The following MYOF variants were observed in gnomAD, a reference collection of about 807,000 sequenced individuals.
The protein encoded by MYOF is myoferlin, also known as fer-1-like 3, myoferlin.
In MYOF, 244 loss-of-function variants were observed where a neutral mutation model predicts 284.2. The ratio of observed to expected loss-of-function variants is 0.86; its 90% CI spans 0.77 to 0.95. MYOF has a LOEUF of 0.95. Among genes scored for constraint, MYOF ranks in the 40% least tolerant of loss-of-function variants. The pLI, the probability that MYOF is intolerant of heterozygous loss-of-function variation, is 0.00. For missense variants in MYOF, 2,496 were observed against 2,560.6 expected, an observed-to-expected ratio of 0.97 and a Z score of 0.54; for synonymous variants, 904 against 919.7, an observed-to-expected ratio of 0.98 and a Z score of 0.31.
Position 93,333,839 on chromosome 10 carries a change from A to G in MYOF, c.4638T>C (p.Pro1546=), listed in dbSNP as rs761055001. 1 of 1,614,126 alleles carries G rather than the reference A, an allele frequency of 6.2e-7. No homozygotes were observed. Among genetic ancestry groups the G allele is most frequent in the Non-Finnish European group, 8.5e-7 (1 of 1,180,020 alleles). Reference sequence around the variant, plus strand: ...CCGTGCATTCCTGTGGGACGCTGTCAGGTAATTCCCGAAACTGTCTGGGAG... The same window carrying G: ...CCGTGCATTCCTGTGGGACGCTGTCGGGTAATTCCCGAAACTGTCTGGGAG... ...PAPPRQFREL[P]DSVPQECTVR... The change falls in exon 42 of 54, where the codon CCT becomes CCC. Residue 1546 remains proline, a synonymous_variant. Coordinates refer to ENST00000359263, the MANE Select transcript of MYOF (RefSeq NM_013451.4).
At chr10:93,366,071 T>C (rs1845312834) in intron 26 of MYOF, among the ~76,000 whole-genome samples, 1 of 152,158 alleles carries the variant, frequency 6.6e-6, no homozygotes, top group African/African-American at 2.4e-5. Flanking sequence ...GCAAGTAGGG[T>C]CAAATCTCAG....
Position 93,408,901 on chromosome 10 carries a change from C to T in MYOF, c.615G>A (p.Val205=). Residue 205 remains valine (V), a synonymous_variant, in exon 7 of 54, where the codon GTG becomes GTA. Transcript: ENST00000359263. ...KPQDFQIRVR[V]IEGRQLSGNN... ...TACCACTTAACTGTCGGCCCTCAAT[C>T]ACTCGGACGCGGATCTGCAGCACAG... The T allele has an allele frequency of 6.2e-7, 1 of 1,614,206 alleles. No homozygotes were observed. The highest frequency in any genetic ancestry group is 8.5e-7 in the Non-Finnish European group (1 of 1,180,034).
chr10:93,426,875 C>T (rs931203322), intron 4 of MYOF, among the ~76,000 whole-genome samples: 4 of 142,816 alleles, frequency 2.8e-5, no homozygotes, highest in East Asian at 2.0e-4. Flanking sequence ...GGCAAAAGAA[C>T]GAGACTGTCT....
At chr10:93,349,153 A>ATT (rs150031738) in intron 36 of MYOF, among the ~76,000 whole-genome samples, 2 of 151,124 alleles carry the variant, frequency 1.3e-5, no homozygotes, top group African/African-American at 4.8e-5. Context: ...AAAAAGAAAG[A>ATT]TTTTTTTTTT....
intron 43 of MYOF, 92 bp from the exon 44 acceptor site, chr10:93,329,926 T>TGTA: frequency 7.4e-7 from 1 of 1,348,478 alleles, no homozygotes; most frequent in Non-Finnish European, 1.0e-6. Flanking sequence ...CCAGGCTGTG[T>TGTA]GTAGTATGGC....
At chr10:93,380,734 C>T (rs1846072151) in intron 20 of MYOF, among the ~76,000 whole-genome samples, 1 of 152,144 alleles carries the variant, frequency 6.6e-6, no homozygotes, top group Non-Finnish European at 1.5e-5. Context: ...CATGTCAACT[C>T]CAGAGAAGAC....
chr10:93,335,922 T>C lies in MYOF; in HGVS notation c.4562A>G (p.Lys1521Arg), dbSNP rs1012129732. 5 of 1,613,932 alleles carry C rather than the reference T, an allele frequency of 3.1e-6. No individual in the cohort carries two copies. The African/African-American group carries it at 4.0e-5, about 13-fold the overall frequency. The change falls in exon 41 of 54, where the codon AAG (lysine) becomes AGG (arginine). Residue 1521 changes from lysine to arginine, a missense_variant and splice_region_variant. Physicochemically the swap from Lys to Arg is conservative, Grantham distance 26. Transcript: ENST00000359263. ...NEDPSVVGEF[K>R]GSFRIYPLPD... ...GGGACCAACACACATCTTACTCACC[T>C]TAAACTCTCCAACCACAGAAGGATC...
intron 1 of MYOF, 126 bp from the exon 2 acceptor site, chr10:93,457,063 T>C: frequency 1.5e-6 from 1 of 671,982 alleles, no homozygotes; most frequent in East Asian, 2.7e-5. Context: ...ATTCATCGCT[T>C]AGGATGGGTG....
In MYOF at chr10:93,313,218, A is replaced by C. The variant is rs754966864; in HGVS notation, c.5699-8T>G. On this transcript the variant is annotated splice_polypyrimidine_tract_variant and splice_region_variant and intron_variant, in intron 50 of 53. Transcript: ENST00000359263. ...AGTCAAGTTCTAGGAAACCTAGCCA[A>C]GGAAACAACAGTAAGTCCAAATGAG... The C allele has an allele frequency of 6.2e-7, 1 of 1,610,772 alleles. No homozygotes were observed. The highest frequency in any genetic ancestry group is 1.7e-5 in the Admixed American group (1 of 59,718).
chr10:93,448,096 T>C (rs1327086434), intron 3 of MYOF, among the ~76,000 whole-genome samples: 1 of 152,182 alleles, frequency 6.6e-6, no homozygotes, highest in East Asian at 1.9e-4. Flanking sequence ...CAACCCTCAC[T>C]GTGCCCCAGG....
At chr10:93,467,279 TA>T (rs1281335837) in intron 1 of MYOF, among the ~76,000 whole-genome samples, 5 of 151,076 alleles carry the variant, frequency 3.3e-5, no homozygotes, top group Non-Finnish European at 5.9e-5. Context: ...ACTCGTCATT[TA>T]ACATTAGGTA....
intron 27 of MYOF, among the ~76,000 whole-genome samples, chr10:93,362,602 A>G (rs961344165): frequency 6.6e-6 from 1 of 152,180 alleles, no homozygotes; most frequent in Non-Finnish European, 1.5e-5. Context: ...TTAATTATAT[A>G]CAATTAGCAA....
At chr10:93,344,523 T>C (rs1844084284) in intron 37 of MYOF, among the ~76,000 whole-genome samples, 1 of 151,964 alleles carries the variant, frequency 6.6e-6, no homozygotes, top group Admixed American at 6.6e-5. Flanking sequence ...AAAGGAGTCT[T>C]CTTTTCTTGA....
intron 12 of MYOF, among the ~76,000 whole-genome samples, chr10:93,400,853 GTTTTTT>G (rs551007757): frequency 3.5e-5 from 4 of 113,944 alleles, no homozygotes; most frequent in Non-Finnish European, 3.6e-5. Context: ...TGCTCAGCAT[GTTTTTT>G]TTTTTTTTTT....
intron 52 of MYOF, 114 bp from the exon 53 acceptor site, chr10:93,310,281 A>T: frequency 1.5e-6 from 2 of 1,300,118 alleles, no homozygotes; most frequent in Non-Finnish European, 1.1e-6. Flanking sequence ...TCAAGAAAAA[A>T]TACTGTTCCC....
chr10:93,311,589 TA>T (rs145794296), intron 51 of MYOF, among the ~76,000 whole-genome samples: 41 of 3,174 alleles, frequency 0.013, no homozygotes, highest in Non-Finnish European at 9.0e-3. Flanking sequence ...ACTTCATCTC[TA>T]AAAAAAAAAA....
chr10:93,383,554 C>G (rs1846223392), intron 19 of MYOF, among the ~76,000 whole-genome samples: 1 of 152,132 alleles, frequency 6.6e-6, no homozygotes, highest in Admixed American at 6.5e-5. Context: ...CTTAACTACC[C>G]ACAGCGAAGC....
intron 1 of MYOF, among the ~76,000 whole-genome samples, chr10:93,458,868 G>A (rs1467697323): frequency 1.3e-5 from 2 of 152,208 alleles, no homozygotes; most frequent in Non-Finnish European, 2.9e-5. Context: ...AATGTAGGAG[G>A]TAGTGGGTTT....
At chr10:93,327,902 T>C (rs767392487) in intron 45 of MYOF, among the ~76,000 whole-genome samples, 12 of 151,978 alleles carry the variant, frequency 7.9e-5, no homozygotes, top group Non-Finnish European at 1.6e-4. Flanking sequence ...GGATTACAGG[T>C]GCATGCCACC....
Sources: allele counts gnomAD v4.1 joint callset (sites outside exome capture counted in the v4.1 genomes callset), GRCh38; gene constraint gnomAD v4.1.1; transcripts MANE v1.5; gene names NCBI Gene and HGNC (gene_info 2026-07-23, HGNC 2026-07-21).